The following CSMD3 variants were observed in gnomAD, a reference collection of about 807,000 sequenced individuals.
CSMD3 encodes CUB and sushi domain-containing protein 3.
Under a neutral mutation model 435.2 loss-of-function variants are expected in CSMD3, and 177 were observed. The observed-to-expected ratio is 0.41, with a 90% CI of 0.36 to 0.46. CSMD3 has a LOEUF of 0.46. Ranked by LOEUF, CSMD3 falls within the 20% of genes least tolerant of loss-of-function variation. The pLI is 0.34. For synonymous variants in CSMD3, 1,656 were observed against 1,520.5 expected, an observed-to-expected ratio of 1.09 and a Z score of -2.07; for missense variants, 4,265 against 4,504.6, an observed-to-expected ratio of 0.95 and a Z score of 1.52.
intron 4 of CSMD3, among the ~76,000 whole-genome samples, chr8:113,147,949 C>G (rs2091716116): frequency 6.6e-6 from 1 of 151,766 alleles, no homozygotes; most frequent in African/African-American, 2.4e-5. Context: ...ATCACTTCCT[C>G]CCAGCCCCTA....
intron 31 of CSMD3, among the ~76,000 whole-genome samples, chr8:112,475,746 A>T (rs1818981816): frequency 6.6e-6 from 1 of 152,150 alleles, no homozygotes; most frequent in African/African-American, 2.4e-5. Context: ...GGTCTCCAGA[A>T]GCTTTTTATA....
chr8:112,340,956 G>A (rs572344094), intron 42 of CSMD3, among the ~76,000 whole-genome samples: 1 of 152,104 alleles, frequency 6.6e-6, no homozygotes, highest in African/African-American at 2.4e-5. Context: ...TAAAAATCTT[G>A]CTCAAGGTCA....
At position 112,475,519 on chromosome 8, in the gene CSMD3, T is replaced by C. The variant is rs181264392; in HGVS notation, c.5279-2812A>G. Among the ~76,000 whole-genome samples, 8 of 152,210 alleles carry C rather than the reference T, an allele frequency of 5.3e-5. No homozygotes were observed. In the East Asian group the frequency reaches 1.4e-3, roughly 26 times the overall value. On this transcript the variant is annotated intron_variant, in intron 31 of 70. Transcript: ENST00000297405. ...CAATAACACAGAATATTATAGTGAG[T>C]GATAATTATGCAGTGTGTTATTATA...
intron 1 of CSMD3, among the ~76,000 whole-genome samples, chr8:113,430,339 A>G (rs531912353): frequency 5.0e-4 from 76 of 151,832 alleles, no homozygotes; most frequent in African/African-American, 1.6e-3. Flanking sequence ...AATTTATGTC[A>G]TCTCCCTATA....
At chr8:112,675,380 GCAGACCCAT>G (rs1435259400) in intron 16 of CSMD3, among the ~76,000 whole-genome samples, 3 of 151,994 alleles carry the variant, frequency 2.0e-5, no homozygotes, top group African/African-American at 4.8e-5. Context: ...TATCTATAAA[GCAGACCCAT>G]GAATGTATTA....
intron 22 of CSMD3, among the ~76,000 whole-genome samples, chr8:112,610,580 A>G (rs1833179224): frequency 6.6e-6 from 1 of 152,164 alleles, no homozygotes; most frequent in Non-Finnish European, 1.5e-5. Flanking sequence ...ATTGTATATG[A>G]TCGTATTAAC....
Position 112,921,660 on chromosome 8 carries a change from C to T in CSMD3, c.1600G>A (p.Ala534Thr). Residue 534 changes from alanine to threonine, a missense_variant, in exon 10 of 71, where the codon GCT becomes ACT. Coordinates refer to ENST00000297405, the MANE Select transcript of CSMD3 (RefSeq NM_198123.2). ...ACAGGCCTGTGATCACTCCAAGCAG[C>T]AAAAACTTCAGCTATCCGTTGACAG... ...ITCQRIAEVF[A>T]AWSDHRPVCK... 6.2e-7 allele frequency: 1 copy of T among 1,612,908 alleles called. No individual in the cohort carries two copies. Among genetic ancestry groups the T allele is most frequent in the Non-Finnish European group, 8.5e-7 (1 of 1,179,186 alleles).
intron 1 of CSMD3, among the ~76,000 whole-genome samples, chr8:113,435,820 A>C (rs1329942183): frequency 6.6e-6 from 1 of 152,086 alleles, no homozygotes; most frequent in Admixed American, 6.5e-5. Flanking sequence ...AGAGCTATGG[A>C]TCTATTTTCT....
chr8:112,325,570 T>C (rs1823427298), intron 45 of CSMD3, among the ~76,000 whole-genome samples: 2 of 152,098 alleles, frequency 1.3e-5, no homozygotes, highest in South Asian at 4.1e-4. Flanking sequence ...TAATCCAGTG[T>C]TCAGCACGTA....
At chr8:112,443,599 T>C (rs966850273) in intron 32 of CSMD3, among the ~76,000 whole-genome samples, 1 of 152,112 alleles carries the variant, frequency 6.6e-6, no homozygotes, top group African/African-American at 2.4e-5. Context: ...TTATGTTTTT[T>C]TGGTTCATTT....
chr8:113,036,906 A>G (rs1231520369), intron 5 of CSMD3, among the ~76,000 whole-genome samples: 37 of 152,082 alleles, frequency 2.4e-4, no homozygotes, highest in Non-Finnish European at 4.4e-5. Flanking sequence ...ATTTAAGGAG[A>G]CATTTTAGCA....
intron 45 of CSMD3, among the ~76,000 whole-genome samples, chr8:112,334,675 A>G (rs1824395258): frequency 6.6e-6 from 1 of 152,196 alleles, no homozygotes; most frequent in Non-Finnish European, 1.5e-5. Flanking sequence ...GATTAAAACA[A>G]AAATAAAGAA....
Position 113,424,728 on chromosome 8 carries a change from C to G in CSMD3, c.178+11949G>C, listed in dbSNP as rs561653399. Among the ~76,000 whole-genome samples, 36 of 151,346 alleles carry G rather than the reference C, an allele frequency of 2.4e-4. 1 individual carries two copies. The South Asian group carries it at 7.5e-3, about 31-fold the overall frequency. ...ATCAGTTGGCTGAACAGATGGGAGT[C>G]AATAAACATTTTAATTGGAAATTAC... On this transcript the variant is annotated intron_variant, in intron 1 of 70. Coordinates refer to ENST00000297405, the MANE Select transcript of CSMD3 (RefSeq NM_198123.2).
chr8:112,416,576 A>T (rs1300154853), intron 32 of CSMD3, among the ~76,000 whole-genome samples: 2 of 152,232 alleles, frequency 1.3e-5, no homozygotes, highest in African/African-American at 4.8e-5. Flanking sequence ...AGCCATCAAA[A>T]TAACTAGCTG....
In CSMD3 at chr8:113,030,256, T is replaced by G. The variant is rs553016434; in HGVS notation, c.918-11077A>C. ...CCCCATCAAATTCCAACATCATTCA[T>G]TACAGAATTAGAAAAAAAAAATCTA... is the stretch of plus-strand genomic sequence containing the variant. On this transcript the variant is annotated intron_variant, in intron 5 of 70. Coordinates refer to ENST00000297405, the MANE Select transcript of CSMD3 (RefSeq NM_198123.2). Among the ~76,000 whole-genome samples the G allele has an allele frequency of 1.3e-5, 2 of 150,164 alleles. 1 individual carries two copies. The highest frequency in any genetic ancestry group is 3.0e-5 in the Non-Finnish European group (2 of 67,408).
At position 112,301,798 on chromosome 8, in the gene CSMD3, C is replaced by T. The variant is rs2130756740; in HGVS notation, c.8435G>A (p.Cys2812Tyr). 1 of 1,612,906 alleles carries T rather than the reference C, an allele frequency of 6.2e-7. No individual in the cohort carries two copies. The highest frequency in any genetic ancestry group is 2.2e-5 in the East Asian group (1 of 44,846). The change falls in exon 53 of 71, where the codon TGC becomes TAC. Residue 2812 changes from cysteine to tyrosine, a missense_variant. By Grantham distance (194) the Cys-to-Tyr change is radical. This residue lies in a region of CSMD3 where 3,255 missense variants were observed against 3,380.2 expected (regional missense o/e 0.96). Transcript: ENST00000297405. ...AACAAATTAAAAATCTGTACCTAGG[C>T]ATCTGGTTTCAGATTCACTCCAAAG... ...SGLWSESETR[C>Y]LAGHCGIPEL...
At chr8:112,432,072 C>A (rs1311668629) in intron 32 of CSMD3, among the ~76,000 whole-genome samples, 1 of 151,732 alleles carries the variant, frequency 6.6e-6, no homozygotes, top group Non-Finnish European at 1.5e-5. Flanking sequence ...CCCACTGAAT[C>A]ATTTGAGAAC....
At chr8:112,615,610 T>C (rs1464305762) in intron 22 of CSMD3, among the ~76,000 whole-genome samples, 1 of 151,988 alleles carries the variant, frequency 6.6e-6, no homozygotes, top group Non-Finnish European at 1.5e-5. Flanking sequence ...TAACCAATAA[T>C]ATAACTACTA....
chr8:112,532,098 C>T (rs1825597353), intron 27 of CSMD3, among the ~76,000 whole-genome samples: 1 of 140,918 alleles, frequency 7.1e-6, no homozygotes, highest in African/African-American at 2.8e-5. Context: ...TGCAAAAATG[C>T]ATTAGAGTGT....
Sources: allele counts gnomAD v4.1 joint callset (sites outside exome capture counted in the v4.1 genomes callset), GRCh38; gene constraint gnomAD v4.1.1; regional missense constraint gnomAD v4.1.1; transcripts MANE v1.5; gene names NCBI Gene and HGNC (gene_info 2026-07-23, HGNC 2026-07-21).